Variants in PELI1 observed in about 807,000 individuals in gnomAD.
The protein encoded by PELI1 is E3 ubiquitin-protein ligase pellino homolog 1.
PELI1 carries 15 observed loss-of-function variants against 41.3 expected under a neutral mutation model. That is an observed-to-expected ratio of 0.36 (90% CI 0.24 to 0.56). The LOEUF (loss-of-function observed/expected upper bound fraction) is 0.56. PELI1 is among the 20% of genes least tolerant of loss of function. The pLI is 0.82. For synonymous variants in PELI1, 178 were observed against 180.1 expected (o/e 0.99, Z 0.09); for missense variants, 403 against 525.5 (o/e 0.77, Z 2.28).
intron 4 of PELI1, 32 bp downstream of exon 4, chr2:64,100,363 TTTC>T (rs947459905): frequency 8.9e-7 from 1 of 1,127,652 alleles, no homozygotes; most frequent in Non-Finnish European, 1.3e-6. Context: ...AACTTTTTCG[TTTC>T]TTAAGAAAAA....
Position 64,140,368 on chromosome 2 carries a change from C to T in PELI1, c.-70+3713G>A, listed in dbSNP as rs1045534241. Among the ~76,000 whole-genome samples, 34 of 152,068 alleles carry T rather than the reference C, an allele frequency of 2.2e-4. No individual in the cohort carries two copies. The East Asian group carries it at 2.9e-3, about 13-fold the overall frequency. ...TTGAGGTGTAAAGGTATTACAGGGG[C>T]GATACAAGAGTACTATGTAGAACCC... On this transcript the variant is annotated intron_variant, in intron 1 of 6. Transcript: ENST00000358912.
chr2:64,132,137 A>G (rs1681577531), intron 1 of PELI1, among the ~76,000 whole-genome samples: 1 of 152,176 alleles, frequency 6.6e-6, no homozygotes. Context: ...ATGCCAGTAG[A>G]AATAATAAAA....
chr2:64,107,738 C>T (rs1191930358), intron 2 of PELI1, among the ~76,000 whole-genome samples: 2 of 151,326 alleles, frequency 1.3e-5, no homozygotes, highest in Non-Finnish European at 2.9e-5. Context: ...AGTGCAGTGG[C>T]GCGATCTCAG....
At chr2:64,121,660 C>G (rs933272705) in intron 1 of PELI1, among the ~76,000 whole-genome samples, 11 of 152,148 alleles carry the variant, frequency 7.2e-5, no homozygotes, top group African/African-American at 2.7e-4. Context: ...AATCCCAGCA[C>G]TTTGGAAGGC....
intron 1 of PELI1, among the ~76,000 whole-genome samples, chr2:64,143,085 G>A (rs1308895950): frequency 2.6e-5 from 4 of 152,216 alleles, no homozygotes; most frequent in Admixed American, 6.5e-5. Context: ...TTCCTTGTGT[G>A]TAGTGATTAA....
chr2:64,113,121 A>T (rs1680877080), intron 1 of PELI1, among the ~76,000 whole-genome samples: 1 of 151,556 alleles, frequency 6.6e-6, no homozygotes, highest in African/African-American at 2.4e-5. Context: ...TCTACAAAAG[A>T]TTTAAAAAAA....
At chr2:64,121,674 G>A (rs1419505019) in intron 1 of PELI1, among the ~76,000 whole-genome samples, 4 of 152,198 alleles carry the variant, frequency 2.6e-5, no homozygotes, top group African/African-American at 9.7e-5. Flanking sequence ...GGAAGGCCAA[G>A]GCAGGTGGAT....
At chr2:64,128,937 G>A (rs962155190) in intron 1 of PELI1, among the ~76,000 whole-genome samples, 3 of 152,120 alleles carry the variant, frequency 2.0e-5, no homozygotes, top group African/African-American at 7.2e-5. Flanking sequence ...GGATCTATAA[G>A]TTTGATGAGT....
chr2:64,097,497 T>C (rs988358596), intron 4 of PELI1, among the ~76,000 whole-genome samples: 1 of 152,138 alleles, frequency 6.6e-6, no homozygotes, highest in Non-Finnish European at 1.5e-5. Context: ...GTGTCAGAGA[T>C]TTAAAAATAT....
chr2:64,105,849 T>C (rs1417020343), intron 2 of PELI1, among the ~76,000 whole-genome samples: 2 of 152,062 alleles, frequency 1.3e-5, no homozygotes, highest in Non-Finnish European at 2.9e-5. Flanking sequence ...CCATATGTAG[T>C]TGGTCAATCT....
chr2:64,105,396 T>C (rs187316162), intron 2 of PELI1, among the ~76,000 whole-genome samples: 107 of 152,322 alleles, frequency 7.0e-4, no homozygotes, highest in Non-Finnish European at 6.6e-4. Flanking sequence ...AAACATACTT[T>C]TGTTGTTCAG....
At position 64,101,859 on chromosome 2, in the gene PELI1, G is replaced by A. The variant is rs1181182996; in HGVS notation, c.202-1360C>T. On this transcript the variant is annotated intron_variant, in intron 3 of 6. Coordinates refer to ENST00000358912, the MANE Select transcript of PELI1 (RefSeq NM_020651.4). ...TTTTTTTTTTTGGAGACAGAGTCTC[G>A]CTCTGTCGCCTAGGTTGCAGTGCAG... 4.8e-4 allele frequency among the ~76,000 whole-genome samples: 63 copies of A among 129,960 alleles called. No individual in the cohort carries two copies. The Admixed American group carries it at 5.7e-3, about 12-fold the overall frequency. The allele number at this position is 129,960 out of a possible 152,430, so 85.3% of individuals were successfully genotyped here. A position where few individuals can be genotyped will look rare whatever the true frequency, so the allele number is the denominator to read the frequency against.
At chr2:64,133,037 G>C (rs993822085) in intron 1 of PELI1, among the ~76,000 whole-genome samples, 2 of 152,074 alleles carry the variant, frequency 1.3e-5, no homozygotes, top group African/African-American at 2.4e-5. Flanking sequence ...TTATTTCTTG[G>C]TCTAGAATTC....
At chr2:64,099,962 G>A (rs376584919) in intron 4 of PELI1, among the ~76,000 whole-genome samples, 8 of 152,208 alleles carry the variant, frequency 5.3e-5, no homozygotes, top group Non-Finnish European at 1.2e-4. Flanking sequence ...ATTGTTTATT[G>A]TCTAGAGAGG....
At position 64,094,600 on chromosome 2, in the gene PELI1, C is replaced by T. The variant is rs1680162937; in HGVS notation, c.*102G>A. On this transcript the variant is annotated 3_prime_UTR_variant, in exon 7 of 7. Coordinates refer to ENST00000358912, the MANE Select transcript of PELI1 (RefSeq NM_020651.4). ...TTTTAAAAAATTCTTCATCTTAATG[C>T]AAATGACCAGAGCAGAAAAACTGTG... is the stretch of plus-strand genomic sequence containing the variant. 1.4e-6 allele frequency: 1 copy of T among 706,664 alleles called. No individual in the cohort carries two copies. The highest frequency in any genetic ancestry group is 2.3e-6 in the Non-Finnish European group (1 of 427,104). 43.8% of individuals were successfully genotyped at this position (706,664 alleles called of 1,614,324 possible).
intron 1 of PELI1, among the ~76,000 whole-genome samples, chr2:64,119,021 A>G (rs375955908): frequency 1.3e-5 from 2 of 152,210 alleles, no homozygotes; most frequent in African/African-American, 4.8e-5. Context: ...CTTGATTGCA[A>G]AAATATTAAA....
Position 64,093,698 on chromosome 2 carries a change from C to A in PELI1, c.*1004G>T, listed in dbSNP as rs1238011247. ...CTTTAGATCTCTAGATTTCCTAATGCCCGAATAAGGCCAAATACAGAATAA... is the reference window on the plus strand; with the variant it reads ...CTTTAGATCTCTAGATTTCCTAATGACCGAATAAGGCCAAATACAGAATAA... On this transcript the variant is annotated 3_prime_UTR_variant, in exon 7 of 7. Transcript: ENST00000358912. 6.6e-6 allele frequency: 1 copy of A among 152,558 alleles called. No individual in the cohort carries two copies. Among genetic ancestry groups the A allele is most frequent in the Non-Finnish European group, 1.5e-5 (1 of 68,026 alleles). 9.5% of individuals were successfully genotyped at this position (152,558 alleles called of 1,614,324 possible).
At chr2:64,123,090 A>G (rs561219941) in intron 1 of PELI1, among the ~76,000 whole-genome samples, 157 of 152,346 alleles carry the variant, frequency 1.0e-3, no homozygotes, top group African/African-American at 3.5e-3. Flanking sequence ...CAGTCAGCCA[A>G]TAAGTAACTC....
chr2:64,125,906 C>G (rs1681367877), intron 1 of PELI1, among the ~76,000 whole-genome samples: 1 of 152,178 alleles, frequency 6.6e-6, no homozygotes, highest in Non-Finnish European at 1.5e-5. Context: ...ATAAAATTGT[C>G]TTCAAGCTAT....
Sources: allele counts gnomAD v4.1 joint callset (sites outside exome capture counted in the v4.1 genomes callset), GRCh38; gene constraint gnomAD v4.1.1; transcripts MANE v1.5; gene names NCBI Gene and HGNC (gene_info 2026-07-23, HGNC 2026-07-21).